The following ARHGEF6 variants were observed in gnomAD, a reference collection of about 807,000 sequenced individuals.
ARHGEF6 encodes the protein rho guanine nucleotide exchange factor 6.
ARHGEF6 carries 9 observed loss-of-function variants against 70.3 expected under a neutral mutation model. The observed-to-expected ratio is 0.13, with a 90% CI of 0.08 to 0.22. The LOEUF is 0.22. ARHGEF6 is among the 10% of genes least tolerant of loss of function. ARHGEF6 has a pLI of 1.00. For synonymous variants in ARHGEF6, 201 were observed against 207.8 expected (o/e 0.97, Z 0.28); for missense variants, 470 against 563.0 (o/e 0.83, Z 1.67).
intron 8 of ARHGEF6, among the ~76,000 whole-genome samples, chrX:136,707,557 G>C (rs1220562074): frequency 4.5e-5 from 5 of 112,169 alleles, no homozygotes; most frequent in Non-Finnish European, 1.9e-5. Flanking sequence ...CCCACCATTT[G>C]GAGATACTGA....
At chrX:136,778,877 C>T (rs954476971) in intron 2 of ARHGEF6, among the ~76,000 whole-genome samples, 2 of 111,980 alleles carry the variant, frequency 1.8e-5, no homozygotes, top group East Asian at 5.6e-4. Context: ...ACTTGATGCT[C>T]GTGTGGAAGT....
At chrX:136,717,267 C>A (rs899244319) in intron 6 of ARHGEF6, among the ~76,000 whole-genome samples, 1 of 112,260 alleles carries the variant, frequency 8.9e-6, no homozygotes, top group Non-Finnish European at 1.9e-5. Flanking sequence ...AAAGTTACAT[C>A]TGACCTCTCC....
chrX:136,711,529 T>C (rs2076684276), intron 7 of ARHGEF6, among the ~76,000 whole-genome samples: 1 of 112,196 alleles, frequency 8.9e-6, no homozygotes, highest in Non-Finnish European at 1.9e-5. Context: ...ATATTTCACA[T>C]GATAATAACA....
chrX:136,668,422 C>T (rs751683796), intron 21 of ARHGEF6, among the ~76,000 whole-genome samples: 5 of 110,968 alleles, frequency 4.5e-5, no homozygotes, highest in African/African-American at 1.6e-4. Flanking sequence ...TGTTTCAACC[C>T]AAGTGTCTAT....
chrX:136,756,696 T>C (rs73565158), intron 2 of ARHGEF6, among the ~76,000 whole-genome samples: 1,548 of 112,259 alleles, frequency 0.014, 32 homozygotes, highest in African/African-American at 0.048. Flanking sequence ...AAGGATGCTG[T>C]GCCAAAGTTA....
At chrX:136,708,381 T>TAAA (rs1349098146) in intron 8 of ARHGEF6, among the ~76,000 whole-genome samples, 1 of 96,207 alleles carries the variant, frequency 1.0e-5, no homozygotes. Flanking sequence ...TAAGGAACAT[T>TAAA]AAAAAAAAAA....
At chrX:136,740,103 G>A (rs1170768070) in intron 5 of ARHGEF6, among the ~76,000 whole-genome samples, 3 of 111,046 alleles carry the variant, frequency 2.7e-5, no homozygotes, top group South Asian at 7.7e-4. Context: ...CCGCCTCCTC[G>A]ATTCAAACTA....
intron 2 of ARHGEF6, among the ~76,000 whole-genome samples, chrX:136,750,341 T>C (rs1211641895): frequency 8.9e-6 from 1 of 112,584 alleles, no homozygotes. Flanking sequence ...TCCAAAGTCA[T>C]TTTCAATGAA....
chrX:136,749,349 A>T (rs192254324), intron 2 of ARHGEF6, among the ~76,000 whole-genome samples: 2 of 111,679 alleles, frequency 1.8e-5, no homozygotes, highest in East Asian at 5.6e-4. Context: ...AAGCAAAAAA[A>T]ATCACTTGTT....
intron 6 of ARHGEF6, among the ~76,000 whole-genome samples, chrX:136,716,436 A>G (rs1156634120): frequency 9.0e-6 from 1 of 111,110 alleles, no homozygotes; most frequent in African/African-American, 3.3e-5. Context: ...ACACAAGCTC[A>G]TTAAAAACTG....
intron 21 of ARHGEF6, among the ~76,000 whole-genome samples, chrX:136,668,474 T>C (rs1265871817): frequency 9.0e-6 from 1 of 110,635 alleles, no homozygotes; most frequent in Admixed American, 9.6e-5. Context: ...CCTTGTCTCC[T>C]GAGAATCGGG....
chrX:136,725,363 G>GCC (rs367945565), intron 6 of ARHGEF6, among the ~76,000 whole-genome samples: 24 of 98,645 alleles, frequency 2.4e-4, no homozygotes, highest in African/African-American at 8.6e-4. Context: ...ATCAAATTAT[G>GCC]CCCCCCCCCC....
intron 9 of ARHGEF6, among the ~76,000 whole-genome samples, chrX:136,695,482 A>G (rs1398808609): frequency 8.9e-6 from 1 of 112,804 alleles, no homozygotes; most frequent in African/African-American, 3.2e-5. Flanking sequence ...TAAATTCCCA[A>G]CATAGGTAAA....
chrX:136,731,033 A>G (rs909608863), intron 6 of ARHGEF6, among the ~76,000 whole-genome samples: 6 of 112,055 alleles, frequency 5.4e-5, no homozygotes, highest in Admixed American at 9.5e-5. Context: ...AGAATTGGTC[A>G]GGAAGTAAGG....
At chrX:136,729,051 TC>T (rs2076903562) in intron 6 of ARHGEF6, among the ~76,000 whole-genome samples, 1 of 34,663 alleles carries the variant, frequency 2.9e-5, no homozygotes, top group Non-Finnish European at 4.6e-5. Context: ...TCTCTCTCTC[TC>T]TCCTCCCCCA....
intron 5 of ARHGEF6, among the ~76,000 whole-genome samples, chrX:136,734,688 A>C (rs932190149): frequency 8.9e-6 from 1 of 112,086 alleles, no homozygotes; most frequent in Non-Finnish European, 1.9e-5. Flanking sequence ...ATACAAAGGC[A>C]GTGCAAAAAA....
At chrX:136,700,503 G>A (rs1281003290) in intron 9 of ARHGEF6, among the ~76,000 whole-genome samples, 3 of 110,507 alleles carry the variant, frequency 2.7e-5, no homozygotes, top group African/African-American at 9.9e-5. Flanking sequence ...CTCCAGCCTG[G>A]GAGACAGTGA....
intron 12 of ARHGEF6, 73 bp downstream of exon 12, chrX:136,685,604 C>CAAAAAA: frequency 1.1e-6 from 1 of 935,117 alleles, no homozygotes; most frequent in Non-Finnish European, 1.4e-6. Context: ...AAGACTCCGT[C>CAAAAAA]AAAAAAAAAA....
At chrX:136,673,301 G>C (rs771396125) in intron 19 of ARHGEF6, among the ~76,000 whole-genome samples, 2 of 111,781 alleles carry the variant, frequency 1.8e-5, no homozygotes, top group African/African-American at 6.5e-5. Flanking sequence ...ACGAATATAA[G>C]TGGAAAGCAA....
Sources: allele counts gnomAD v4.1 joint callset (sites outside exome capture counted in the v4.1 genomes callset), GRCh38; gene constraint gnomAD v4.1.1; transcripts MANE v1.5; gene names NCBI Gene and HGNC (gene_info 2026-07-23, HGNC 2026-07-21).